The following CTNNA2 variants were observed in gnomAD, a reference collection of about 807,000 sequenced individuals.
CTNNA2 encodes the protein catenin alpha-2.
Under a neutral mutation model 101.0 loss-of-function variants are expected in CTNNA2, and 42 were observed. The ratio of observed to expected loss-of-function variants is 0.42; its 90% CI spans 0.32 to 0.54. CTNNA2 has a LOEUF of 0.54. Among genes scored for constraint, CTNNA2 ranks in the 20% least tolerant of loss-of-function variants. The pLI, the probability that CTNNA2 is intolerant of heterozygous loss-of-function variation, is 0.14. For synonymous variants in CTNNA2, 450 were observed against 456.4 expected, an observed-to-expected ratio of 0.99 and a Z score of 0.18; for missense variants, 871 against 1,223.1, an observed-to-expected ratio of 0.71 and a Z score of 4.29.
chr2:80,004,145 G>C (rs917119064), intron 7 of CTNNA2, among the ~76,000 whole-genome samples: 1 of 152,088 alleles, frequency 6.6e-6, no homozygotes, highest in African/African-American at 2.4e-5. Context: ...CCTTTACTAT[G>C]CTGGAATGCT....
In CTNNA2 at chr2:80,479,418, G is replaced by T. The variant is rs548228354; in HGVS notation, c.1290+59817G>T. ...GCGCAGGACAGCCTCCAGCAACAGAGAATCATCTGACCTAAAATGTCAATA... is the reference window on the plus strand; with the variant it reads ...GCGCAGGACAGCCTCCAGCAACAGATAATCATCTGACCTAAAATGTCAATA... On this transcript the variant is annotated intron_variant, in intron 9 of 18. Transcript: ENST00000402739. Among the ~76,000 whole-genome samples, 11 of 152,216 alleles carry T rather than the reference G, an allele frequency of 7.2e-5. No individual in the cohort carries two copies. The East Asian group carries it at 2.1e-3, about 29-fold the overall frequency.
At chr2:79,982,394 A>G (rs1691427802) in intron 7 of CTNNA2, among the ~76,000 whole-genome samples, 1 of 142,392 alleles carries the variant, frequency 7.0e-6, no homozygotes, top group African/African-American at 2.8e-5. Flanking sequence ...AACATATATA[A>G]CATATATAAC....
chr2:79,341,378 C>G (rs1677133731), intron 3 of CTNNA2, among the ~76,000 whole-genome samples: 1 of 152,134 alleles, frequency 6.6e-6, no homozygotes, highest in Non-Finnish European at 1.5e-5. Flanking sequence ...TCTGATAGGA[C>G]CAGTCTCTGA....
At chr2:79,515,511 T>G (rs1055136127) in intron 1 of CTNNA2, among the ~76,000 whole-genome samples, 3 of 152,140 alleles carry the variant, frequency 2.0e-5, no homozygotes, top group South Asian at 4.1e-4. Context: ...TATGCCCCAG[T>G]TTTTGATACT....
At chr2:79,671,387 G>A (rs1682830188) in intron 2 of CTNNA2, among the ~76,000 whole-genome samples, 1 of 152,092 alleles carries the variant, frequency 6.6e-6, no homozygotes, top group Admixed American at 6.5e-5. Flanking sequence ...AATACCCTCT[G>A]CCTCTCAAGC....
chr2:80,335,121 T>G (rs770416314), intron 7 of CTNNA2, among the ~76,000 whole-genome samples: 8 of 152,208 alleles, frequency 5.3e-5, no homozygotes, highest in Non-Finnish European at 1.0e-4. Context: ...AGTTTCAGTA[T>G]GAGGTTAGGA....
chr2:79,539,193 C>G (rs1673255227), intron 1 of CTNNA2, among the ~76,000 whole-genome samples: 2 of 152,184 alleles, frequency 1.3e-5, no homozygotes, highest in South Asian at 4.2e-4. Flanking sequence ...AAAACAGAAC[C>G]AACACTATGG....
chr2:79,659,732 C>G (rs767931034), intron 2 of CTNNA2, among the ~76,000 whole-genome samples: 1 of 152,206 alleles, frequency 6.6e-6, no homozygotes, highest in Non-Finnish European at 1.5e-5. Context: ...AGCAGTGGCT[C>G]ATGCCTGTAA....
intron 7 of CTNNA2, among the ~76,000 whole-genome samples, chr2:80,296,145 A>G (rs1013549123): frequency 2.0e-5 from 3 of 152,158 alleles, no homozygotes; most frequent in Non-Finnish European, 2.9e-5. Context: ...ATGTGTAACA[A>G]TTGCATCATG....
chr2:80,049,680 C>T (rs1198437434), intron 7 of CTNNA2, among the ~76,000 whole-genome samples: 4 of 152,132 alleles, frequency 2.6e-5, no homozygotes, highest in African/African-American at 9.7e-5. Flanking sequence ...GTCTGCTGCT[C>T]CACTGGGCAT....
upstream of CTNNA2, among the ~76,000 whole-genome samples, chr2:79,509,744 T>C (rs1164429333): frequency 6.6e-6 from 1 of 152,150 alleles, no homozygotes; most frequent in Non-Finnish European, 1.5e-5. Context: ...TGATGTAAAC[T>C]ATGGACTTTG....
At chr2:79,849,251 T>G (rs1680480438) in intron 3 of CTNNA2, among the ~76,000 whole-genome samples, 1 of 152,034 alleles carries the variant, frequency 6.6e-6, no homozygotes, top group South Asian at 2.1e-4. Context: ...CTTCTTATTT[T>G]ATAATATTTA....
chr2:80,608,921 A>G (rs1558640642), intron 17 of CTNNA2, among the ~76,000 whole-genome samples: 1 of 151,806 alleles, frequency 6.6e-6, no homozygotes, highest in African/African-American at 2.4e-5. Flanking sequence ...ATGAAAATAT[A>G]ATTATCTGGT....
chr2:80,581,859 C>A (rs752662112), intron 14 of CTNNA2, 40 bp downstream of exon 14: 1 of 1,169,984 alleles, frequency 8.5e-7, no homozygotes, highest in Non-Finnish European at 1.3e-6. Context: ...CACACAGGGA[C>A]CGTGTTTACT....
At chr2:79,260,091 G>T (rs948528418) in intron 2 of CTNNA2, among the ~76,000 whole-genome samples, 4 of 152,072 alleles carry the variant, frequency 2.6e-5, no homozygotes, top group African/African-American at 9.7e-5. Flanking sequence ...GAAAATAAGG[G>T]AAGCCCTTCA....
In CTNNA2 at chr2:79,322,697, C is replaced by T. The variant is rs142313485; in HGVS notation, c.-318+9901C>T. 1.3e-5 allele frequency among the ~76,000 whole-genome samples: 2 copies of T among 152,260 alleles called. 1 individual carries two copies. The highest frequency in any genetic ancestry group is 4.8e-5 in the African/African-American group (2 of 41,550). ...TTTATTTCCATTGCTCCATTCAATT[C>T]TCATGGTCCCTTGAGAGGTTGGGAG... On this transcript the variant is annotated intron_variant, in intron 3 of 21. Transcript: ENST00000466387.
intron 2 of CTNNA2, among the ~76,000 whole-genome samples, chr2:79,727,674 C>T (rs1686933521): frequency 6.7e-6 from 1 of 150,168 alleles, no homozygotes; most frequent in African/African-American, 2.5e-5. Context: ...TGTCCTGCAC[C>T]CATTAACTCG....
chr2:80,603,834 A>G (rs1003877654), intron 15 of CTNNA2: 2 of 464,714 alleles, frequency 4.3e-6, no homozygotes, highest in African/African-American at 4.0e-5. Flanking sequence ...CATTGTTTAG[A>G]AATATAGAAC....
Position 80,606,736 on chromosome 2 carries a change from C to A in CTNNA2, c.2296-1448C>A, listed in dbSNP as rs191790234. On this transcript the variant is annotated intron_variant, in intron 16 of 18. Transcript: ENST00000402739. Reference sequence around the variant, plus strand: ...GACTGGATTGGTTACATTTATTTTGCCGGAAAATATTTTATAAAGATTTGA... The same window carrying A: ...GACTGGATTGGTTACATTTATTTTGACGGAAAATATTTTATAAAGATTTGA... Among the ~76,000 whole-genome samples, 248 of 151,864 alleles carry A rather than the reference C, an allele frequency of 1.6e-3. 3 individuals carry two copies. The highest frequency in any genetic ancestry group is 5.3e-3 in the African/African-American group (218 of 41,456).
Sources: allele counts gnomAD v4.1 joint callset (sites outside exome capture counted in the v4.1 genomes callset), GRCh38; gene constraint gnomAD v4.1.1; transcripts MANE v1.5; gene names NCBI Gene and HGNC (gene_info 2026-07-23, HGNC 2026-07-21).